Variants in KLHL1 observed in about 807,000 individuals in gnomAD.
KLHL1 encodes kelch-like protein 1.
In KLHL1, 47 loss-of-function variants were observed where a neutral mutation model predicts 77.7. The observed-to-expected ratio is 0.60, with a 90% CI of 0.48 to 0.77. The LOEUF (loss-of-function observed/expected upper bound fraction) is 0.77, where lower values mean the gene tolerates loss of function less well. Among genes scored for constraint, KLHL1 ranks in the 30% least tolerant of loss-of-function variants. The pLI, the probability that KLHL1 is intolerant of heterozygous loss-of-function variation, is 0.00. For missense variants in KLHL1, 925 were observed against 910.8 expected, an observed-to-expected ratio of 1.02 and a Z score of -0.20; for synonymous variants, 360 against 325.2, an observed-to-expected ratio of 1.11 and a Z score of -1.15.
chr13:69,823,044 G>T (rs889132875), intron 6 of KLHL1, among the ~76,000 whole-genome samples: 1 of 152,148 alleles, frequency 6.6e-6, no homozygotes, highest in Non-Finnish European at 1.5e-5. Context: ...AACTGTATTT[G>T]CTCTGTGAAG....
chr13:69,951,902 G>A (rs7984026), intron 3 of KLHL1, among the ~76,000 whole-genome samples: 12,784 of 151,360 alleles, frequency 0.084, 600 homozygotes, highest in Non-Finnish European at 0.11. Flanking sequence ...GAGTGCTGCC[G>A]AGGGAGCATA....
intron 5 of KLHL1, among the ~76,000 whole-genome samples, chr13:69,842,854 CAT>C (rs1295638802): frequency 6.6e-6 from 1 of 151,680 alleles, no homozygotes; most frequent in Non-Finnish European, 1.5e-5. Context: ...GCTACTTGGC[CAT>C]AAGAAAGAAT....
At chr13:69,814,077 C>G (rs1009027687) in intron 6 of KLHL1, among the ~76,000 whole-genome samples, 1 of 151,912 alleles carries the variant, frequency 6.6e-6, no homozygotes, top group Admixed American at 6.6e-5. Context: ...AATAGAGACC[C>G]CTGAAATAAA....
intron 8 of KLHL1, among the ~76,000 whole-genome samples, chr13:69,736,479 T>G (rs1383187637): frequency 6.6e-6 from 1 of 152,178 alleles, no homozygotes; most frequent in Non-Finnish European, 1.5e-5. Context: ...GAAAACAGTG[T>G]GGAGATTCCT....
At chr13:70,087,543 TAA>T (rs77258175) in intron 1 of KLHL1, among the ~76,000 whole-genome samples, 18 of 136,022 alleles carry the variant, frequency 1.3e-4, no homozygotes, top group Admixed American at 2.2e-4. Flanking sequence ...TAAAAGGACT[TAA>T]AAAAAAAAAA....
chr13:69,874,239 T>C (rs2138181249), intron 5 of KLHL1, among the ~76,000 whole-genome samples: 1 of 152,280 alleles, frequency 6.6e-6, no homozygotes, highest in East Asian at 1.9e-4. Flanking sequence ...TAAATGCCAT[T>C]GCTTCTAGTC....
chr13:69,918,374 C>T (rs1018236536), intron 4 of KLHL1, among the ~76,000 whole-genome samples: 7 of 151,810 alleles, frequency 4.6e-5, no homozygotes, highest in Non-Finnish European at 1.0e-4. Flanking sequence ...TTAAATACTA[C>T]ATATTTTCTC....
chr13:69,991,197 A>T (rs1885018657), intron 1 of KLHL1, among the ~76,000 whole-genome samples: 1 of 151,980 alleles, frequency 6.6e-6, no homozygotes, highest in African/African-American at 2.4e-5. Context: ...CCATATATAA[A>T]AGTTAGAAAG....
chr13:70,061,188 C>T (rs1886875083), intron 1 of KLHL1, among the ~76,000 whole-genome samples: 1 of 152,108 alleles, frequency 6.6e-6, no homozygotes, highest in Non-Finnish European at 1.5e-5. Flanking sequence ...GTAATCATCA[C>T]AGTTTACAGT....
At chr13:69,799,868 C>A (rs1473014420) in intron 6 of KLHL1, among the ~76,000 whole-genome samples, 1 of 152,108 alleles carries the variant, frequency 6.6e-6, no homozygotes, top group Non-Finnish European at 1.5e-5. Context: ...GTGAGCGGCA[C>A]CCCGAGCTCC....
intron 5 of KLHL1, among the ~76,000 whole-genome samples, chr13:69,849,612 C>T (rs1009789851): frequency 1.3e-5 from 2 of 151,320 alleles, no homozygotes; most frequent in Non-Finnish European, 3.0e-5. Context: ...TACTTCATCA[C>T]TCAGGTCACA....
chr13:69,849,423 G>C (rs921389589), intron 5 of KLHL1, among the ~76,000 whole-genome samples: 1 of 151,378 alleles, frequency 6.6e-6, no homozygotes, highest in Non-Finnish European at 1.5e-5. Flanking sequence ...TAGCTCTTCT[G>C]ATCTCTTTCT....
intron 1 of KLHL1, among the ~76,000 whole-genome samples, chr13:70,087,109 C>T (rs1486019211): frequency 7.2e-5 from 11 of 151,970 alleles, no homozygotes; most frequent in African/African-American, 2.7e-4. Context: ...GTATTGTCAC[C>T]GAGGAAGGAG....
At chr13:69,781,881 T>A (rs1876231258) in intron 7 of KLHL1, among the ~76,000 whole-genome samples, 1 of 150,796 alleles carries the variant, frequency 6.6e-6, no homozygotes, top group East Asian at 2.0e-4. Flanking sequence ...TATTGCTTTT[T>A]ATCTCATCAT....
chr13:69,852,991 T>C (rs1035739089), intron 5 of KLHL1, among the ~76,000 whole-genome samples: 1 of 152,026 alleles, frequency 6.6e-6, no homozygotes, highest in Non-Finnish European at 1.5e-5. Context: ...CTTAAAGTAA[T>C]TTATAATATA....
intron 6 of KLHL1, among the ~76,000 whole-genome samples, chr13:69,822,812 T>G (rs1198378498): frequency 6.6e-6 from 1 of 152,180 alleles, no homozygotes; most frequent in Admixed American, 6.5e-5. Flanking sequence ...TTAATATAAT[T>G]ATCTGATAAA....
intron 8 of KLHL1, among the ~76,000 whole-genome samples, chr13:69,733,290 G>C (rs1480413385): frequency 2.6e-5 from 4 of 151,690 alleles, no homozygotes; most frequent in African/African-American, 9.7e-5. Flanking sequence ...TAGAATGTAA[G>C]TAAATAATAT....
chr13:69,758,185 C>A (rs990906528), intron 7 of KLHL1, among the ~76,000 whole-genome samples: 2 of 151,900 alleles, frequency 1.3e-5, no homozygotes. Flanking sequence ...GAACAAAAAT[C>A]TTTCACTATC....
At chr13:69,748,862 C>T (rs1181461706) in intron 7 of KLHL1, among the ~76,000 whole-genome samples, 2 of 151,908 alleles carry the variant, frequency 1.3e-5, no homozygotes. Context: ...TAAAATATGT[C>T]ATTACTCTCA....
Sources: gnomAD v4.1 joint callset for allele counts (sites outside exome capture counted in the v4.1 genomes callset) on GRCh38, gnomAD v4.1.1 for gene constraint, MANE v1.5 for transcripts, NCBI Gene and HGNC (gene_info 2026-07-23, HGNC 2026-07-21) for gene names.